Variants in PSME4 observed in about 807,000 individuals in gnomAD.
The protein encoded by PSME4 is proteasome activator subunit 4.
PSME4 carries 89 observed loss-of-function variants against 253.9 expected under a neutral mutation model. The observed-to-expected ratio is 0.35, with a 90% CI of 0.30 to 0.42. The LOEUF (loss-of-function observed/expected upper bound fraction) is 0.42. PSME4 is among the 10% of genes least tolerant of loss of function. The pLI is 1.00. For missense variants in PSME4, 2,014 were observed against 2,195.2 expected (o/e 0.92, Z 1.65); for synonymous variants, 851 against 759.2 (o/e 1.12, Z -1.99).
rs1008047019 is a variant in PSME4 at position 53,936,691 on chromosome 2, A to T, written c.759+73T>A. Reference sequence around the variant, plus strand: ...ATGATCTATTAATATTTATCTCCAAATTAAAAAAGTATGGGGGGGAAAAAA... The same window carrying T: ...ATGATCTATTAATATTTATCTCCAATTTAAAAAAGTATGGGGGGGAAAAAA... On this transcript the variant is annotated intron_variant, in intron 6 of 46. Transcript: ENST00000404125. 9.9e-6 allele frequency: 11 copies of T among 1,110,856 alleles called. No individual in the cohort carries two copies. In the African/African-American group the frequency reaches 1.5e-4, roughly 15 times the overall value. 68.8% of individuals were successfully genotyped at this position (1,110,856 alleles called of 1,614,324 possible). A position where few individuals can be genotyped will look rare whatever the true frequency, so the allele number is the denominator to read the frequency against.
chr2:53,895,750 A>C lies in PSME4; in HGVS notation c.3689-14T>G. On this transcript the variant is annotated splice_polypyrimidine_tract_variant and intron_variant, in intron 32 of 46. Transcript: ENST00000404125. The stretch of plus-strand genomic sequence containing the variant: ...TAGGGCATCCACCTAAGGAAAAGAC[A>C]ATCACATTTGATGAATTTAAAAATA... The C allele has an allele frequency of 6.4e-7, 1 of 1,563,648 alleles. No individual in the cohort carries two copies. The highest frequency in any genetic ancestry group is 8.6e-7 in the Non-Finnish European group (1 of 1,159,162).
intron 3 of PSME4, among the ~76,000 whole-genome samples, chr2:53,947,172 C>T (rs1218722156): frequency 6.6e-6 from 1 of 152,142 alleles, no homozygotes; most frequent in East Asian, 1.9e-4. Flanking sequence ...CTTCCACTTA[C>T]ACCATTTCAC....
intron 36 of PSME4, among the ~76,000 whole-genome samples, chr2:53,891,255 C>T (rs551671578): frequency 7.2e-5 from 11 of 152,208 alleles, no homozygotes; most frequent in African/African-American, 2.2e-4. Context: ...ACATGTACGT[C>T]GTACAGAGAC....
In PSME4 at chr2:53,887,326, A is replaced by G. The variant is rs766441628; in HGVS notation, c.4662T>C (p.His1554=). 6 of 1,614,050 alleles carry G rather than the reference A, an allele frequency of 3.7e-6. No homozygotes were observed. Among genetic ancestry groups the G allele is most frequent in the Admixed American group, 1.7e-5 (1 of 60,014 alleles). Residue 1554 remains histidine (H), a synonymous_variant, in exon 40 of 47, where the codon CAT becomes CAC. Transcript: ENST00000404125. ...LMDVDEEIQN[H]VMEENGIGEE... is the part of the protein sequence containing the mutation. Reference sequence around the variant, plus strand: ...CACCAATTCCATTTTCTTCCATAACATGGTTCTGAATTTCTTCATCCACAT... The same window carrying G: ...CACCAATTCCATTTTCTTCCATAACGTGGTTCTGAATTTCTTCATCCACAT...
chr2:53,920,072 C>A, intron 19 of PSME4, 121 bp downstream of exon 19: 1 of 829,526 alleles, frequency 1.2e-6, no homozygotes, highest in Non-Finnish European at 1.8e-6. Flanking sequence ...TTTCTAAGTA[C>A]ATGTATAGCA....
intron 16 of PSME4, 136 bp downstream of exon 16, chr2:53,922,913 G>T: frequency 1.4e-6 from 1 of 724,166 alleles, no homozygotes; most frequent in Non-Finnish European, 2.1e-6. Context: ...TATCTTTTTT[G>T]GAGACAAATT....
At chr2:53,943,867 A>C (rs1011358388) in intron 3 of PSME4, among the ~76,000 whole-genome samples, 7 of 143,844 alleles carry the variant, frequency 4.9e-5, no homozygotes, top group African/African-American at 1.8e-4. Context: ...AAAAAAAAAA[A>C]GGTATAAATA....
rs749389658 is a variant in PSME4 at position 53,901,377 on chromosome 2, C to T, written c.3258G>A (p.Gln1086=). ...FDDLAEKIHR[Q]YETIGLDFTI... ...TGAAGTCCAAGCCAATTGTTTCATA[C>T]TGCCTATGAATCTTTTCTGCAAGAT... Residue 1086 remains glutamine (Q), a synonymous_variant, in exon 28 of 47, where the codon CAG becomes CAA. Transcript: ENST00000404125. The T allele has an allele frequency of 8.7e-6, 14 of 1,613,604 alleles. No individual in the cohort carries two copies. The East Asian group carries it at 2.0e-4, about 23-fold the overall frequency.
At chr2:53,964,826 T>C (rs1171580480) in intron 1 of PSME4, among the ~76,000 whole-genome samples, 1 of 152,198 alleles carries the variant, frequency 6.6e-6, no homozygotes, top group African/African-American at 2.4e-5. Context: ...GGTTACATAA[T>C]CTAATCAAAT....
At chr2:53,876,257 T>A (rs1353350078) in intron 41 of PSME4, among the ~76,000 whole-genome samples, 1 of 152,282 alleles carries the variant, frequency 6.6e-6, no homozygotes, top group South Asian at 2.1e-4. Context: ...AATGCATATA[T>A]TCCCCCCCGC....
Position 53,908,550 on chromosome 2 carries a change from TTATCAAGTA to T in PSME4, c.2636_2644del (p.Ile879_Asp881del), listed in dbSNP as rs754165486. 1 of 1,607,542 alleles carries T rather than the reference TTATCAAGTA, an allele frequency of 6.2e-7. No homozygotes were observed. Among genetic ancestry groups the T allele is most frequent in the South Asian group, 1.1e-5 (1 of 89,414 alleles). Reference sequence around the variant, plus strand: ...CAATGACTTAGTATCATCTTCTGAATTATCAAGTATGTGGTCTATAATGGAAGAAAGAAA... The same window carrying T: ...CAATGACTTAGTATCATCTTCTGAATTGTGGTCTATAATGGAAGAAAGAAA... On this transcript the variant is annotated inframe_deletion, in exon 23 of 47. Coordinates refer to ENST00000404125, the MANE Select transcript of PSME4 (RefSeq NM_014614.3).
Position 53,904,054 on chromosome 2 carries a change from TATC to T in PSME4, c.3043_3045del (p.Asp1015del). Reference sequence around the variant, plus strand: ...AATTGTTGCTGTGTAACACCTTGTCTATCAGGCCTTAAGAACTCCAAAACCAAG... The same window carrying T: ...AATTGTTGCTGTGTAACACCTTGTCTAGGCCTTAAGAACTCCAAAACCAAG... On this transcript the variant is annotated inframe_deletion, in exon 27 of 47. Coordinates refer to ENST00000404125, the MANE Select transcript of PSME4 (RefSeq NM_014614.3). 1 of 1,613,698 alleles carries T rather than the reference TATC, an allele frequency of 6.2e-7. No homozygotes were observed. The highest frequency in any genetic ancestry group is 8.5e-7 in the Non-Finnish European group (1 of 1,179,782).
At chr2:53,874,549 T>C (rs1460714455) in intron 42 of PSME4, 55 bp from the exon 43 acceptor site, 10 of 1,454,334 alleles carry the variant, frequency 6.9e-6, no homozygotes, top group African/African-American at 4.3e-5. Context: ...GAACATGAGA[T>C]GACAGATAGT....
intron 1 of PSME4, among the ~76,000 whole-genome samples, chr2:53,966,159 C>T (rs1477802275): frequency 6.6e-6 from 1 of 152,078 alleles, no homozygotes; most frequent in Non-Finnish European, 1.5e-5. Context: ...GTGGTACTCA[C>T]CTGTAATCCC....
intron 3 of PSME4, among the ~76,000 whole-genome samples, chr2:53,947,253 T>G (rs1461121501): frequency 1.3e-5 from 2 of 152,172 alleles, no homozygotes; most frequent in Non-Finnish European, 2.9e-5. Context: ...AAGTAAAGGC[T>G]GAGGGTTAAT....
intron 1 of PSME4, among the ~76,000 whole-genome samples, chr2:53,959,567 T>C (rs1670389350): frequency 2.0e-5 from 3 of 152,168 alleles, no homozygotes; most frequent in Admixed American, 2.0e-4. Flanking sequence ...TTTCCTTCTC[T>C]TTCCAAGGTT....
chr2:53,893,828 A>C, intron 34 of PSME4, 29 bp from the exon 35 acceptor site: 2 of 1,558,438 alleles, frequency 1.3e-6, no homozygotes, highest in Non-Finnish European at 1.7e-6. Flanking sequence ...AACAATATTC[A>C]GCGTTTAAAA....
Position 53,906,678 on chromosome 2 carries a change from C to T in PSME4, c.2863G>A (p.Val955Ile). The change falls in exon 26 of 47, where the codon GTT becomes ATT. Residue 955 changes from valine (V) to isoleucine (I), a missense_variant. By Grantham distance (29) the Val-to-Ile change is conservative. Coordinates refer to ENST00000404125, the MANE Select transcript of PSME4 (RefSeq NM_014614.3). ...ATCTTTTTGTATTCACAACCCTCAA[C>T]AGTTAGTGTCCGTAGCTAAGAAAAC... Reference protein sequence around the residue: ...MLQHELRTLTVEGCEYKKIHQ... With the variant: ...MLQHELRTLTIEGCEYKKIHQ... 1.2e-6 allele frequency: 2 copies of T among 1,600,672 alleles called. No homozygotes were observed. The highest frequency in any genetic ancestry group is 8.5e-7 in the Non-Finnish European group (1 of 1,175,218).
At chr2:53,866,915 T>C (rs778424332) in intron 44 of PSME4, 35 bp from the exon 45 acceptor site, 1 of 1,594,572 alleles carries the variant, frequency 6.3e-7, no homozygotes, top group Non-Finnish European at 8.6e-7. Flanking sequence ...TGCAAATATA[T>C]ATATGTCTCT....
Sources: gnomAD v4.1 joint callset for allele counts (sites outside exome capture counted in the v4.1 genomes callset) on GRCh38, gnomAD v4.1.1 for gene constraint, MANE v1.5 for transcripts, NCBI Gene and HGNC (gene_info 2026-07-23, HGNC 2026-07-21) for gene names.